Variants in METTL25 observed in about 807,000 individuals in gnomAD.
The protein encoded by METTL25 is methyltransferase like 25.
Under a neutral mutation model 71.6 loss-of-function variants are expected in METTL25, and 64 were observed. The ratio of observed to expected loss-of-function variants is 0.89; its 90% CI spans 0.73 to 1.10. The LOEUF is 1.10. Ranked by LOEUF, METTL25 falls within the 50% of genes least tolerant of loss-of-function variation. METTL25 has a pLI of 0.00. For missense variants in METTL25, 807 were observed against 707.0 expected (o/e 1.14, Z -1.60); for synonymous variants, 287 against 250.3 (o/e 1.15, Z -1.38).
intron 1 of METTL25, among the ~76,000 whole-genome samples, chr12:82,365,635 AT>A (rs756383007): frequency 1.3e-5 from 2 of 152,234 alleles, no homozygotes; most frequent in Non-Finnish European, 2.9e-5. Context: ...TCAGAAATTA[AT>A]TGTTGTTTAA....
At chr12:82,369,457 G>A (rs1342194813) in intron 1 of METTL25, 2 of 450,964 alleles carry the variant, frequency 4.4e-6, no homozygotes, top group Non-Finnish European at 8.9e-6. Context: ...AGCTCTTAAA[G>A]ATGGTGTGTC....
At chr12:82,452,341 A>G (rs1357645419) in intron 8 of METTL25, among the ~76,000 whole-genome samples, 1 of 152,146 alleles carries the variant, frequency 6.6e-6, no homozygotes, top group Non-Finnish European at 1.5e-5. Flanking sequence ...CTTAACTAAT[A>G]CAATTGCAGT....
intron 9 of METTL25, among the ~76,000 whole-genome samples, chr12:82,474,932 A>G (rs1892796326): frequency 6.6e-6 from 1 of 152,218 alleles, no homozygotes; most frequent in African/African-American, 2.4e-5. Context: ...GAAAGATGCC[A>G]AGAGGAAATG....
At chr12:82,438,069 T>A (rs1187608130) in intron 7 of METTL25, among the ~76,000 whole-genome samples, 1 of 151,724 alleles carries the variant, frequency 6.6e-6, no homozygotes, top group African/African-American at 2.4e-5. Flanking sequence ...GCCCTTCTCT[T>A]CAGCTATTGC....
intron 5 of METTL25, among the ~76,000 whole-genome samples, chr12:82,424,790 A>G (rs962269349): frequency 1.3e-5 from 2 of 152,048 alleles, no homozygotes; most frequent in East Asian, 1.9e-4. Context: ...ATATCCTAGG[A>G]GAGTGCACAC....
chr12:82,364,264 ACATAGGTGGCCATAATATTTCATTCG>A (rs1421012186), intron 1 of METTL25, among the ~76,000 whole-genome samples: 5 of 152,194 alleles, frequency 3.3e-5, no homozygotes, highest in African/African-American at 7.2e-5. Flanking sequence ...TATCTCATTC[ACATAGGTGGCCATAATATTTCATTCG>A]CATAGGTGGC....
chr12:82,358,907 G>A lies in METTL25; in HGVS notation c.259+83G>A, dbSNP rs1472820985. The A allele has an allele frequency of 4.6e-6, 7 of 1,506,568 alleles. No homozygotes were observed. The South Asian group carries it at 4.9e-5, about 10-fold the overall frequency. The allele number at this position is 1,506,568 out of a possible 1,614,324, so 93.3% of individuals were successfully genotyped here. ...GAAGCGAGCCCCCTGGTGGAAGCCA[G>A]CAGAACCAGGTGCGTGGCGGCGGAG... On this transcript the variant is annotated intron_variant, in intron 1 of 11. Coordinates refer to ENST00000248306, the MANE Select transcript of METTL25 (RefSeq NM_032230.3).
chr12:82,430,996 A>C lies in METTL25; in HGVS notation c.1374+9A>C, dbSNP rs201971486. On this transcript the variant is annotated intron_variant, in intron 6 of 11. Coordinates refer to ENST00000248306, the MANE Select transcript of METTL25 (RefSeq NM_032230.3). ...GAATGTCAGCATGTTTGGTATGGTT[A>C]TATTTTTTCCTGGAGTAACAGCTTT... 2 of 1,557,484 alleles carry C rather than the reference A, an allele frequency of 1.3e-6. No individual in the cohort carries two copies. The highest frequency in any genetic ancestry group is 1.8e-6 in the Non-Finnish European group (2 of 1,138,690).
At chr12:82,443,516 C>A (rs932957214) in intron 8 of METTL25, among the ~76,000 whole-genome samples, 1 of 148,540 alleles carries the variant, frequency 6.7e-6, no homozygotes, top group African/African-American at 2.5e-5. Context: ...AAAATAACCT[C>A]AAAAGAGTAA....
chr12:82,375,404 G>A (rs1776641167), intron 1 of METTL25, among the ~76,000 whole-genome samples: 1 of 151,404 alleles, frequency 6.6e-6, no homozygotes, highest in Admixed American at 6.6e-5. Context: ...GCTGGCGATT[G>A]GTTTGTTCTT....
At chr12:82,360,883 A>G (rs1881765595) in intron 1 of METTL25, among the ~76,000 whole-genome samples, 1 of 152,022 alleles carries the variant, frequency 6.6e-6, no homozygotes, top group South Asian at 2.1e-4. Context: ...ATGTGTTCGG[A>G]GTTTCTTCCT....
chr12:82,377,956 A>G (rs1884045498), intron 1 of METTL25, among the ~76,000 whole-genome samples: 1 of 152,124 alleles, frequency 6.6e-6, no homozygotes, highest in Non-Finnish European at 1.5e-5. Flanking sequence ...CATTATTAGT[A>G]TTACAATTGT....
At chr12:82,380,574 G>A (rs534690490) in intron 1 of METTL25, among the ~76,000 whole-genome samples, 1 of 152,132 alleles carries the variant, frequency 6.6e-6, no homozygotes, top group Non-Finnish European at 1.5e-5. Context: ...CCATTTTATA[G>A]ATGAAGAAAT....
Position 82,460,987 on chromosome 12 carries a change from C to CAAA in METTL25, c.1572+4171_1572+4173dup, listed in dbSNP as rs1162314084. On this transcript the variant is annotated intron_variant, in intron 9 of 11. Transcript: ENST00000248306. ...TGAAACCCCATCTCTACTAAAACTA[C>CAAA]AAAAAATTAGCCGGGCATGGTGGCG... 2.0e-5 allele frequency among the ~76,000 whole-genome samples: 3 copies of CAAA among 151,996 alleles called. No individual in the cohort carries two copies. The East Asian group carries it at 5.8e-4, about 29-fold the overall frequency.
chr12:82,432,320 T>C (rs1889569464), intron 6 of METTL25, among the ~76,000 whole-genome samples: 1 of 151,670 alleles, frequency 6.6e-6, no homozygotes, highest in African/African-American at 2.4e-5. Flanking sequence ...TGGAAATTTG[T>C]CTTGTTCTCT....
At chr12:82,449,011 A>G (rs925571604) in intron 8 of METTL25, among the ~76,000 whole-genome samples, 2 of 152,202 alleles carry the variant, frequency 1.3e-5, no homozygotes, top group African/African-American at 4.8e-5. Flanking sequence ...TCCCTCCAAA[A>G]TGCTGCTTCC....
chr12:82,399,280 C>T lies in METTL25; in HGVS notation c.1017C>T (p.Ala339=). ...QQIPNRETSE[A]NKERRKMTSK... ...TACCCAACAGAGAAACATCTGAAGC[C>T]AATAAAGAGAGAAGAAAAATGACAT... Residue 339 remains alanine, a synonymous_variant, in exon 4 of 12, where the codon GCC becomes GCT. Transcript: ENST00000248306. The T allele has an allele frequency of 6.2e-7, 1 of 1,613,522 alleles. No individual in the cohort carries two copies. The highest frequency in any genetic ancestry group is 1.1e-5 in the South Asian group (1 of 91,048).
At chr12:82,420,136 G>A (rs989837204) in intron 5 of METTL25, among the ~76,000 whole-genome samples, 1 of 152,148 alleles carries the variant, frequency 6.6e-6, no homozygotes, top group African/African-American at 2.4e-5. Context: ...GATCTCACTT[G>A]TATGTGAAAT....
chr12:82,445,774 TAAATG>T (rs748709176), intron 8 of METTL25, among the ~76,000 whole-genome samples: 2 of 152,204 alleles, frequency 1.3e-5, no homozygotes, highest in Admixed American at 6.5e-5. Context: ...CATTTCAAGA[TAAATG>T]AATCCAGCAT....
Sources: allele counts gnomAD v4.1 joint callset (sites outside exome capture counted in the v4.1 genomes callset), GRCh38; gene constraint gnomAD v4.1.1; transcripts MANE v1.5; gene names NCBI Gene and HGNC (gene_info 2026-07-23, HGNC 2026-07-21).